Variants in IMMP1L observed in about 807,000 individuals in gnomAD.
IMMP1L encodes the protein inner mitochondrial membrane peptidase subunit 1.
A neutral mutation model predicts 21.8 loss-of-function variants in IMMP1L; 24 were observed. The ratio of observed to expected loss-of-function variants is 1.10; its 90% CI spans 0.80 to 1.55. The LOEUF is 1.55. Ranked by LOEUF, IMMP1L falls within the 40% of genes most tolerant of loss-of-function variation. The pLI is 0.00. For synonymous variants in IMMP1L, 46 were observed against 62.8 expected (o/e 0.73, Z 1.26); for missense variants, 195 against 200.7 (o/e 0.97, Z 0.17).
rs1287164608 is a variant in IMMP1L at position 31,435,741 on chromosome 11, T to G, written c.322-2171A>C. Among the ~76,000 whole-genome samples the G allele has an allele frequency of 7.2e-5, 11 of 152,332 alleles. No homozygotes were observed. The East Asian group carries it at 2.1e-3, about 29-fold the overall frequency. On this transcript the variant is annotated intron_variant, in intron 4 of 5. Coordinates refer to ENST00000532287, the MANE Select transcript of IMMP1L (RefSeq NM_001304274.2). ...CATTTCATAAGCACTCTTTCAATAC[T>G]AGGGAGATTAGCCCTTTGTGGTACA...
At chr11:31,502,437 G>A (rs1204596342) in intron 1 of IMMP1L, among the ~76,000 whole-genome samples, 1 of 152,168 alleles carries the variant, frequency 6.6e-6, no homozygotes, top group African/African-American at 2.4e-5. Context: ...AGAAACAGTA[G>A]TCAAAATAAT....
At chr11:31,458,930 A>G (rs574124568) in intron 3 of IMMP1L, among the ~76,000 whole-genome samples, 39 of 152,284 alleles carry the variant, frequency 2.6e-4, no homozygotes, top group African/African-American at 9.1e-4. Flanking sequence ...TCATCTCCTC[A>G]TTCAGGATGC....
chr11:31,451,666 G>A (rs1193236207), intron 4 of IMMP1L, among the ~76,000 whole-genome samples: 1 of 152,136 alleles, frequency 6.6e-6, no homozygotes, highest in African/African-American at 2.4e-5. Context: ...ATTCATTAAA[G>A]TGAAGATATT....
At chr11:31,464,526 C>A (rs1227554874) in intron 1 of IMMP1L, among the ~76,000 whole-genome samples, 1 of 152,074 alleles carries the variant, frequency 6.6e-6, no homozygotes, top group Non-Finnish European at 1.5e-5. Context: ...AGCTCAGATG[C>A]AACAATCCTT....
intron 4 of IMMP1L, among the ~76,000 whole-genome samples, chr11:31,450,215 T>A (rs1298617956): frequency 6.6e-6 from 1 of 152,216 alleles, no homozygotes; most frequent in Non-Finnish European, 1.5e-5. Context: ...AAAAGGCACA[T>A]GTATGACTAC....
intron 4 of IMMP1L, chr11:31,452,062 T>C (rs2133609709): frequency 5.3e-6 from 1 of 187,118 alleles, no homozygotes; most frequent in East Asian, 1.9e-4. Context: ...TTAGCGACTT[T>C]GACAAGAACC....
chr11:31,505,162 G>A (rs1955738625), intron 1 of IMMP1L, among the ~76,000 whole-genome samples: 1 of 152,220 alleles, frequency 6.6e-6, no homozygotes, highest in South Asian at 2.1e-4. Flanking sequence ...ACTTGTATCA[G>A]AAGGTGCTGG....
intron 1 of IMMP1L, among the ~76,000 whole-genome samples, chr11:31,484,264 A>C (rs1954997790): frequency 6.6e-6 from 1 of 151,904 alleles, no homozygotes. Flanking sequence ...CATCCCCACA[A>C]AGACTTAGAT....
At chr11:31,435,035 A>G (rs1953073234) in intron 4 of IMMP1L, among the ~76,000 whole-genome samples, 1 of 152,234 alleles carries the variant, frequency 6.6e-6, no homozygotes, top group African/African-American at 2.4e-5. Flanking sequence ...ATAAAGCTAT[A>G]AGGTGAACAT....
At chr11:31,432,775 A>T (rs1029741509) in intron 5 of IMMP1L, among the ~76,000 whole-genome samples, 1 of 152,228 alleles carries the variant, frequency 6.6e-6, no homozygotes, top group African/African-American at 2.4e-5. Flanking sequence ...AGTTTGGGAC[A>T]TTCAAACAAT....
At chr11:31,442,358 A>G (rs1953365238) in intron 4 of IMMP1L, among the ~76,000 whole-genome samples, 1 of 152,202 alleles carries the variant, frequency 6.6e-6, no homozygotes, top group African/African-American at 2.4e-5. Flanking sequence ...TGTGGAGGCA[A>G]TACACAGGTG....
chr11:31,497,327 A>C (rs561541663), intron 1 of IMMP1L, among the ~76,000 whole-genome samples: 55 of 152,244 alleles, frequency 3.6e-4, no homozygotes, highest in African/African-American at 1.1e-3. Flanking sequence ...ATTAACAAGA[A>C]TATAGTATGA....
At chr11:31,509,321 G>A in intron 1 of IMMP1L, 198 bp downstream of exon 1, 1 of 165,420 alleles carries the variant, frequency 6.0e-6, no homozygotes, top group Non-Finnish European at 1.4e-5. Context: ...AAGACATCGT[G>A]GGGAAGGCGG....
At chr11:31,456,807 G>A (rs1324731961) in intron 3 of IMMP1L, among the ~76,000 whole-genome samples, 3 of 129,586 alleles carry the variant, frequency 2.3e-5, no homozygotes, top group Non-Finnish European at 4.6e-5. Flanking sequence ...ATTGCTTGAA[G>A]CCAGGAGTTC....
chr11:31,493,646 G>T (rs1327269046), intron 1 of IMMP1L, among the ~76,000 whole-genome samples: 3 of 152,042 alleles, frequency 2.0e-5, no homozygotes, highest in Non-Finnish European at 4.4e-5. Flanking sequence ...CAAGTCCAAA[G>T]TCTCATCTGA....
chr11:31,432,693 A>G (rs926157268), intron 5 of IMMP1L, 125 bp from the exon 6 acceptor site: 33 of 660,378 alleles, frequency 5.0e-5, no homozygotes, highest in South Asian at 2.5e-4. Context: ...CTCATCAATC[A>G]AGAATAAAAT....
chr11:31,464,723 T>A (rs972722485), intron 1 of IMMP1L, among the ~76,000 whole-genome samples: 1 of 152,082 alleles, frequency 6.6e-6, no homozygotes, highest in Admixed American at 6.6e-5. Flanking sequence ...GAAAAAGCAT[T>A]TGATAAATTT....
chr11:31,495,325 A>C (rs1012695608), intron 1 of IMMP1L, among the ~76,000 whole-genome samples: 1 of 152,152 alleles, frequency 6.6e-6, no homozygotes, highest in African/African-American at 2.4e-5. Context: ...TGAGCCCTCC[A>C]AACTGTTCCA....
chr11:31,436,214 GT>G (rs1157433251), intron 4 of IMMP1L, among the ~76,000 whole-genome samples: 1 of 151,966 alleles, frequency 6.6e-6, no homozygotes, highest in South Asian at 2.1e-4. Context: ...AAAGTTTTTA[GT>G]TTTTTATGCA....
Sources: allele counts gnomAD v4.1 joint callset (sites outside exome capture counted in the v4.1 genomes callset), GRCh38; gene constraint gnomAD v4.1.1; transcripts MANE v1.5; gene names NCBI Gene and HGNC (gene_info 2026-07-23, HGNC 2026-07-21).